RLN2: variants seen among roughly 807,000 people sequenced by gnomAD.
The protein encoded by RLN2 is relaxin 2.
In RLN2, 10 loss-of-function variants were observed where a neutral mutation model predicts 7.3. The observed-to-expected ratio is 1.36, with a 90% confidence interval of 0.84 to 2.31. The LOEUF is 2.31. RLN2 is among the 30% of genes most tolerant of loss of function. The pLI is 0.00. For synonymous variants in RLN2, 103 were observed against 82.3 expected (o/e 1.25, Z -1.36); for missense variants, 298 against 217.6 (o/e 1.37, Z -2.32).
chr9:5,306,889 C>T (rs925115389), upstream of RLN2, among the ~76,000 whole-genome samples: 1 of 152,082 alleles, frequency 6.6e-6, no homozygotes, highest in African/African-American at 2.4e-5. Flanking sequence ...TTACAAGTAG[C>T]AGTGTCTATG....
chr9:5,331,331 G>A, the RLN2 span, among the ~76,000 whole-genome samples: 1 of 151,930 alleles, frequency 6.6e-6, no homozygotes, highest in East Asian at 1.9e-4. Flanking sequence ...ACATCGATGA[G>A]AAAATCCTCA....
At chr9:5,320,062 T>C in the RLN2 span, among the ~76,000 whole-genome samples, 1 of 151,428 alleles carries the variant, frequency 6.6e-6, no homozygotes, top group Non-Finnish European at 1.5e-5. Flanking sequence ...CTCGGTTCAC[T>C]GCAACCTCTG....
At chr9:5,337,402 G>C in the RLN2 span, among the ~76,000 whole-genome samples, 1 of 151,964 alleles carries the variant, frequency 6.6e-6, no homozygotes, top group African/African-American at 2.4e-5. Context: ...TTTTAGCTAT[G>C]GAACCTAGGC....
At chr9:5,310,448 G>T in the RLN2 span, among the ~76,000 whole-genome samples, 1 of 151,872 alleles carries the variant, frequency 6.6e-6, no homozygotes, top group Non-Finnish European at 1.5e-5. Context: ...TATTTCCTAG[G>T]AAAAAACTAA....
At chr9:5,335,451 T>A in the RLN2 span, 1 of 1,613,758 alleles carries the variant, frequency 6.2e-7, no homozygotes, top group Non-Finnish European at 8.5e-7. Flanking sequence ...TTGGAATCCT[T>A]TAATGCAGGT....
chr9:5,330,637 CAA>C, the RLN2 span, among the ~76,000 whole-genome samples: 7 of 74,726 alleles, frequency 9.4e-5, no homozygotes, highest in African/African-American at 2.7e-4. Flanking sequence ...GACTCCATCT[CAA>C]AAAAAAAAAA....
At chr9:5,330,560 C>A in the RLN2 span, among the ~76,000 whole-genome samples, 1 of 145,916 alleles carries the variant, frequency 6.9e-6, no homozygotes, top group Non-Finnish European at 1.5e-5. Flanking sequence ...ACGGCATGAA[C>A]TGGGGAGGCA....
the RLN2 span, among the ~76,000 whole-genome samples, chr9:5,324,323 T>A: frequency 1.3e-5 from 2 of 151,820 alleles, no homozygotes; most frequent in South Asian, 2.1e-4. Context: ...TACTCAGAGG[T>A]CTTCATATTC....
the RLN2 span, among the ~76,000 whole-genome samples, chr9:5,332,502 C>G: frequency 6.6e-6 from 1 of 151,928 alleles, no homozygotes; most frequent in East Asian, 1.9e-4. Context: ...TTATTGGTCT[C>G]AATGTAACAC....
the RLN2 span, among the ~76,000 whole-genome samples, chr9:5,333,572 C>G: frequency 2.6e-5 from 4 of 151,996 alleles, no homozygotes; most frequent in Non-Finnish European, 5.9e-5. Context: ...GGATTTACAG[C>G]TGAATTCTAC....
the RLN2 span, among the ~76,000 whole-genome samples, chr9:5,334,758 T>G: frequency 6.6e-6 from 1 of 152,018 alleles, no homozygotes; most frequent in African/African-American, 2.4e-5. Context: ...AATACTTGAG[T>G]TTACTTCAAC....
At chr9:5,323,109 C>T in the RLN2 span, among the ~76,000 whole-genome samples, 2 of 151,750 alleles carry the variant, frequency 1.3e-5, no homozygotes, top group East Asian at 1.9e-4. Context: ...ATTCACCACA[C>T]ATTTCCTCCT....
the RLN2 span, among the ~76,000 whole-genome samples, chr9:5,331,378 T>C: frequency 7.2e-5 from 11 of 151,962 alleles, no homozygotes; most frequent in Non-Finnish European, 1.5e-4. Flanking sequence ...TGCACACATA[T>C]GTTTATTGTG....
chr9:5,333,727 C>G, the RLN2 span, among the ~76,000 whole-genome samples: 4 of 151,996 alleles, frequency 2.6e-5, no homozygotes, highest in Non-Finnish European at 5.9e-5. Context: ...AAAAAGAAAA[C>G]TTCAGGCCAA....
At chr9:5,317,451 T>TAA in the RLN2 span, among the ~76,000 whole-genome samples, 167 of 141,852 alleles carry the variant, frequency 1.2e-3, no homozygotes, top group African/African-American at 3.0e-3. Context: ...GACTCTGTCT[T>TAA]AAAAAAAAAA....
the RLN2 span, among the ~76,000 whole-genome samples, chr9:5,325,360 T>G: frequency 5.3e-5 from 8 of 152,030 alleles, no homozygotes; most frequent in African/African-American, 1.9e-4. Context: ...AAAACTAGAT[T>G]ATGCTTTTCT....
chr9:5,324,407 T>C, the RLN2 span, among the ~76,000 whole-genome samples: 88 of 152,166 alleles, frequency 5.8e-4, 2 homozygotes, highest in Non-Finnish European at 1.1e-3. Flanking sequence ...ACATTATAAT[T>C]TGACATTTAA....
chr9:5,335,506 G>A, the RLN2 span: 2 of 1,613,060 alleles, frequency 1.2e-6, no homozygotes, highest in Non-Finnish European at 1.7e-6. Flanking sequence ...TCTCAGATAG[G>A]GCTGCCTTCA....
chr9:5,337,957 A>G, the RLN2 span, among the ~76,000 whole-genome samples: 1 of 152,036 alleles, frequency 6.6e-6, no homozygotes, highest in Non-Finnish European at 1.5e-5. Flanking sequence ...GGAATTTCAA[A>G]TTATGTTTTG....
Sources: allele counts gnomAD v4.1 joint callset (sites outside exome capture counted in the v4.1 genomes callset), GRCh38; gene constraint gnomAD v4.1.1; transcripts MANE v1.5; gene names NCBI Gene and HGNC (gene_info 2026-07-23, HGNC 2026-07-21).